The following TRIQK variants were observed in gnomAD, a reference collection of about 807,000 sequenced individuals.
TRIQK encodes the protein triple QxxK/R motif containing, also known as triple QxxK/R motif-containing protein.
TRIQK carries 10 observed loss-of-function variants against 10.8 expected under a neutral mutation model. That is an observed-to-expected ratio of 0.92 (90% CI 0.57 to 1.57). TRIQK has a LOEUF of 1.57. Ranked by LOEUF, TRIQK falls within the 40% of genes most tolerant of loss-of-function variation. The pLI is 0.00. For missense variants in TRIQK, 107 were observed against 97.7 expected (o/e 1.09, Z -0.40); for synonymous variants, 33 against 33.7 (o/e 0.98, Z 0.07).
At chr8:92,959,800 A>T (rs1006602802) in intron 1 of TRIQK, among the ~76,000 whole-genome samples, 11 of 152,116 alleles carry the variant, frequency 7.2e-5, no homozygotes, top group African/African-American at 2.7e-4. Flanking sequence ...TTGAAAAACC[A>T]TAAGTCAAAC....
chr8:92,935,047 C>T (rs891662762), intron 2 of TRIQK, among the ~76,000 whole-genome samples: 2 of 151,698 alleles, frequency 1.3e-5, no homozygotes, highest in African/African-American at 4.8e-5. Context: ...AGAAGTTCTA[C>T]TTTGTGCCAG....
chr8:92,949,880 G>A (rs1322676265), intron 2 of TRIQK, among the ~76,000 whole-genome samples: 1 of 149,906 alleles, frequency 6.7e-6, no homozygotes, highest in Non-Finnish European at 1.5e-5. Flanking sequence ...GAGGGAGGGA[G>A]GGAGGAAGGA....
rs370102781 is a variant in TRIQK, at chr8:92,942,805, C to T, written c.-22+11601G>A. On this transcript the variant is annotated intron_variant, in intron 2 of 4. Coordinates refer to ENST00000521988, the MANE Select transcript of TRIQK (RefSeq NM_001171797.2). ...TGCCTCAGGGGTTTGAGCAGTTCTC[C>T]TGCCTCAGCCTCTCAAGTAGCTGGG... 5.3e-5 allele frequency among the ~76,000 whole-genome samples: 8 copies of T among 152,212 alleles called. No homozygotes were observed. The South Asian group carries it at 8.3e-4, about 16-fold the overall frequency.
chr8:92,887,801 G>A (rs1000434389), intron 4 of TRIQK, among the ~76,000 whole-genome samples: 5 of 151,566 alleles, frequency 3.3e-5, no homozygotes, highest in Non-Finnish European at 5.9e-5. Flanking sequence ...ATTTTTACAT[G>A]AATGTTGAAT....
At chr8:93,014,324 G>T (rs1401134633) in intron 1 of TRIQK, among the ~76,000 whole-genome samples, 1 of 151,838 alleles carries the variant, frequency 6.6e-6, no homozygotes, top group Non-Finnish European at 1.5e-5. Context: ...GTAGAGTAAT[G>T]ATATATATGC....
intron 2 of TRIQK, among the ~76,000 whole-genome samples, chr8:92,923,526 T>C (rs553928282): frequency 2.5e-4 from 38 of 151,964 alleles, no homozygotes; most frequent in Non-Finnish European, 5.0e-4. Flanking sequence ...TAAGATAATA[T>C]TTATTATTTA....
Position 92,886,356 on chromosome 8 carries a change from G to T in TRIQK, c.*266C>A, listed in dbSNP as rs181088716. The T allele has an allele frequency of 1.3e-3, 287 of 214,788 alleles. 1 individual carries two copies. Among genetic ancestry groups the T allele is most frequent in the Admixed American group, 2.3e-3 (40 of 17,548 alleles). 13.3% of individuals were successfully genotyped at this position (214,788 alleles called of 1,614,324 possible). On this transcript the variant is annotated 3_prime_UTR_variant, in exon 5 of 5. Transcript: ENST00000521988. ...TGACATTTGAAAAATTTAGGATCTG[G>T]TTCCCATTTCATCTAAATGTACCAT...
chr8:92,891,974 C>A lies in TRIQK; in HGVS notation c.147+15G>T. On this transcript the variant is annotated intron_variant, in intron 4 of 4. Coordinates refer to ENST00000521988, the MANE Select transcript of TRIQK (RefSeq NM_001171797.2). ...TGCACATATCAAATTTTAAAGTTATCAAATAGAGGTTTACCTTTATGCCTA... is the reference window on the plus strand; with the variant it reads ...TGCACATATCAAATTTTAAAGTTATAAAATAGAGGTTTACCTTTATGCCTA... 1 of 1,517,216 alleles carries A rather than the reference C, an allele frequency of 6.6e-7. No homozygotes were observed. Among genetic ancestry groups the A allele is most frequent in the South Asian group, 1.2e-5 (1 of 81,568 alleles). 94.0% of individuals were successfully genotyped at this position (1,517,216 alleles called of 1,614,324 possible).
intron 2 of TRIQK, chr8:92,953,836 G>A (rs778426903): frequency 6.6e-6 from 1 of 151,800 alleles, no homozygotes; most frequent in Non-Finnish European, 1.5e-5. Context: ...GTGAGGAGTG[G>A]GAAAGAACAG....
At position 92,938,604 on chromosome 8, in the gene TRIQK, T is replaced by A. The variant is rs553216865; in HGVS notation, c.-22+15802A>T. Among the ~76,000 whole-genome samples the A allele has an allele frequency of 1.9e-3, 283 of 151,672 alleles. 2 individuals carry two copies. The highest frequency in any genetic ancestry group is 2.1e-3 in the Non-Finnish European group (143 of 67,818). On this transcript the variant is annotated intron_variant, in intron 2 of 4. Transcript: ENST00000521988. ...TACTTTTTATTTCTTCCCCTGCCCC[T>A]GCCACTATTCTGAGACTACATCTAC...
chr8:92,950,698 A>T (rs1301192708), intron 2 of TRIQK, among the ~76,000 whole-genome samples: 1 of 152,158 alleles, frequency 6.6e-6, no homozygotes, highest in Non-Finnish European at 1.5e-5. Context: ...TCCAATGATA[A>T]GTTTAGCATC....
In TRIQK at chr8:93,000,923, A is replaced by G. The variant is rs143818602; in HGVS notation, c.-181+16686T>C. On this transcript the variant is annotated intron_variant, in intron 1 of 4. Coordinates refer to the TRIQK transcript ENST00000520686. ...AGGCAGAAAGGAACAAAAGAGCTAC[A>G]AAACAATCAGAAACAATTAACACAA... is the stretch of plus-strand genomic sequence containing the variant. Among the ~76,000 whole-genome samples, 247 of 152,058 alleles carry G rather than the reference A, an allele frequency of 1.6e-3. 3 individuals are homozygous for G. Among genetic ancestry groups the G allele is most frequent in the African/African-American group, 5.5e-3 (230 of 41,466 alleles).
Position 92,886,716 on chromosome 8 carries a change from G to T in TRIQK, c.167C>A (p.Ala56Glu). ...AGCCAGTAGTAGTGCCAATATAGCT[G>T]CAAGTACAAGGCCAACTTCCTGGGA... Reference protein sequence around the residue: ...IGIKEVGLVLAAILALLLAFY... With the variant: ...IGIKEVGLVLEAILALLLAFY... Residue 56 changes from alanine to glutamate, a missense_variant, in exon 5 of 5, where the codon GCA (alanine) becomes GAA (glutamate). Coordinates refer to ENST00000521988, the MANE Select transcript of TRIQK (RefSeq NM_001171797.2). The T allele has an allele frequency of 2.6e-6, 4 of 1,531,152 alleles. No homozygotes were observed. The highest frequency in any genetic ancestry group is 3.5e-6 in the Non-Finnish European group (4 of 1,142,574). The allele number at this position is 1,531,152 out of a possible 1,614,324, so 94.8% of individuals were successfully genotyped here.
chr8:92,952,416 A>G (rs1429966151), intron 2 of TRIQK, among the ~76,000 whole-genome samples: 1 of 149,834 alleles, frequency 6.7e-6, no homozygotes, highest in Non-Finnish European at 1.5e-5. Flanking sequence ...AAACAAAGAT[A>G]AAACACACAC....
intron 1 of TRIQK, among the ~76,000 whole-genome samples, chr8:92,976,551 C>T (rs1812933324): frequency 6.6e-6 from 1 of 151,870 alleles, no homozygotes; most frequent in South Asian, 2.1e-4. Flanking sequence ...TTTTTGTAGA[C>T]AACATGTAGT....
Position 92,886,550 on chromosome 8 carries a change from G to A in TRIQK, c.*72C>T. ...AAGAATTAAAGATGTTACAGTTTCA[G>A]TATTGAAAGTTTTGGTCCCAAAAGG... On this transcript the variant is annotated 3_prime_UTR_variant, in exon 5 of 5. Coordinates refer to ENST00000521988, the MANE Select transcript of TRIQK (RefSeq NM_001171797.2). 1 of 777,642 alleles carries A rather than the reference G, an allele frequency of 1.3e-6. No homozygotes were observed. The highest frequency in any genetic ancestry group is 2.8e-5 in the East Asian group (1 of 36,358). 48.2% of individuals were successfully genotyped at this position (777,642 alleles called of 1,614,324 possible). A position where few individuals can be genotyped will look rare whatever the true frequency, so the allele number is the denominator to read the frequency against.
chr8:92,922,872 G>T (rs1372257362), intron 2 of TRIQK, among the ~76,000 whole-genome samples: 1 of 151,454 alleles, frequency 6.6e-6, no homozygotes, highest in East Asian at 1.9e-4. Context: ...TTAGTGGTTT[G>T]GTATTATTTA....
At chr8:92,903,615 T>C (rs1346517125) in intron 3 of TRIQK, among the ~76,000 whole-genome samples, 1 of 152,122 alleles carries the variant, frequency 6.6e-6, no homozygotes, top group East Asian at 1.9e-4. Context: ...CAGAATAAAA[T>C]TTCCTATTAC....
intron 2 of TRIQK, among the ~76,000 whole-genome samples, chr8:92,941,837 T>C (rs1464266241): frequency 2.0e-5 from 3 of 151,934 alleles, no homozygotes; most frequent in Non-Finnish European, 4.4e-5. Context: ...GTAGAAGAAA[T>C]GGATAAACTA....
Sources: gnomAD v4.1 joint callset for allele counts (sites outside exome capture counted in the v4.1 genomes callset) on GRCh38, gnomAD v4.1.1 for gene constraint, MANE v1.5 for transcripts, NCBI Gene and HGNC (gene_info 2026-07-23, HGNC 2026-07-21) for gene names.